MGRN1: variants seen among roughly 807,000 people sequenced by gnomAD.
MGRN1 encodes E3 ubiquitin-protein ligase MGRN1.
MGRN1 carries 29 observed loss-of-function variants against 69.2 expected under a neutral mutation model. The observed-to-expected ratio is 0.42, with a 90% CI of 0.31 to 0.57. The LOEUF (loss-of-function observed/expected upper bound fraction) is 0.57. Ranked by LOEUF, MGRN1 falls within the 20% of genes least tolerant of loss-of-function variation. The pLI, the probability that MGRN1 is intolerant of heterozygous loss-of-function variation, is 0.15. For synonymous variants in MGRN1, 470 were observed against 344.2 expected (o/e 1.37, Z -4.04); for missense variants, 998 against 796.2 (o/e 1.25, Z -3.05).
intron 13 of MGRN1, among the ~76,000 whole-genome samples, chr16:4,682,227 C>G (rs975141921): frequency 6.6e-6 from 1 of 152,224 alleles, no homozygotes; most frequent in Non-Finnish European, 1.5e-5. Context: ...GCCGTTCGCC[C>G]GTGACGAGCC....
chr16:4,653,626 C>T (rs1403043805), intron 4 of MGRN1, among the ~76,000 whole-genome samples: 5 of 142,852 alleles, frequency 3.5e-5, no homozygotes, highest in South Asian at 2.3e-4. Context: ...GTAGCTGGGA[C>T]TACAGGCACG....
chr16:4,683,242 G>A lies in MGRN1; in HGVS notation c.1501G>A (p.Val501Ile), dbSNP rs766400763. ...SSPESFITEE[V>I]DESSSPQQGT... ...TTCCTAGAGTTTCATAACAGAAGAGGTTGATGAGTCGTCGTCACCACAGCA... is the reference window on the plus strand; with the variant it reads ...TTCCTAGAGTTTCATAACAGAAGAGATTGATGAGTCGTCGTCACCACAGCA... The change falls in exon 15 of 17, where the codon GTT (valine) becomes ATT (isoleucine). Residue 501 changes from valine to isoleucine, a missense_variant. Physicochemically the swap from Val to Ile is conservative, Grantham distance 29. Coordinates refer to ENST00000262370, the MANE Select transcript of MGRN1 (RefSeq NM_015246.4). The A allele has an allele frequency of 5.6e-6, 9 of 1,613,714 alleles. No homozygotes were observed. The highest frequency in any genetic ancestry group is 1.1e-5 in the South Asian group (1 of 91,092).
intron 1 of MGRN1, among the ~76,000 whole-genome samples, chr16:4,631,291 G>C (rs1897989462): frequency 6.6e-6 from 1 of 152,272 alleles, no homozygotes; most frequent in East Asian, 1.9e-4. Flanking sequence ...ATTGTGGCTG[G>C]ATAACAAAGC....
intron 11 of MGRN1, among the ~76,000 whole-genome samples, chr16:4,677,892 G>A (rs1265234037): frequency 6.7e-6 from 1 of 150,020 alleles, no homozygotes; most frequent in African/African-American, 2.5e-5. Context: ...ACCGAGGCTG[G>A]TGTGCACCCA....
intron 8 of MGRN1, among the ~76,000 whole-genome samples, 189 bp downstream of exon 8, chr16:4,668,501 TCA>T (rs1035967404): frequency 3.3e-5 from 5 of 150,944 alleles, no homozygotes; most frequent in African/African-American, 1.2e-4. Flanking sequence ...ACACTCACAT[TCA>T]CACATATATA....
At chr16:4,641,499 C>A (rs928498014) in intron 1 of MGRN1, among the ~76,000 whole-genome samples, 2 of 151,494 alleles carry the variant, frequency 1.3e-5, no homozygotes, top group Non-Finnish European at 2.9e-5. Flanking sequence ...CAGGCACATA[C>A]CACTGTGCCT....
Position 4,681,768 on chromosome 16 carries a change from C to T in MGRN1, c.1350C>T (p.Ala450=). The T allele has an allele frequency of 6.2e-7, 1 of 1,610,624 alleles. No individual in the cohort carries two copies. The highest frequency in any genetic ancestry group is 8.5e-7 in the Non-Finnish European group (1 of 1,178,746). Reference sequence around the variant, plus strand: ...AGAAGGGCAGGCCGCAGAGCAAGGCCCCCGACAGGTGAGCAGCAGCCAGGC... The same window carrying T: ...AGAAGGGCAGGCCGCAGAGCAAGGCTCCCGACAGGTGAGCAGCAGCCAGGC... ...SRQKGRPQSK[A]PDSTLRSPSS... The change falls in exon 13 of 17, where the codon GCC becomes GCT. Residue 450 remains alanine (A), a synonymous_variant. Transcript: ENST00000262370.
At chr16:4,681,227 C>T (rs1413352735) in intron 12 of MGRN1, 3 of 380,042 alleles carry the variant, frequency 7.9e-6, no homozygotes, top group Non-Finnish European at 9.6e-6. Flanking sequence ...TGTCACTAAC[C>T]CTTCACTCTC....
intron 16 of MGRN1, chr16:4,687,037 G>C (rs2079338703): frequency 1.4e-5 from 14 of 985,528 alleles, no homozygotes; most frequent in Non-Finnish European, 1.7e-5. Context: ...TCCCTTGTCA[G>C]CATGGCCACC....
At chr16:4,665,771 G>A (rs2078789936) in intron 7 of MGRN1, among the ~76,000 whole-genome samples, 1 of 150,046 alleles carries the variant, frequency 6.7e-6, no homozygotes, top group Non-Finnish European at 1.5e-5. Flanking sequence ...CCAGGTTCAA[G>A]CGATTCTCCT....
intron 1 of MGRN1, 115 bp from the exon 2 acceptor site, chr16:4,650,250 C>T (rs761794508): frequency 8.1e-5 from 60 of 739,882 alleles, no homozygotes; most frequent in Non-Finnish European, 1.2e-4. Flanking sequence ...TTGCAGTGAG[C>T]TGAGATAGCG....
intron 1 of MGRN1, chr16:4,649,414 C>T (rs1415760742): frequency 6.6e-6 from 1 of 152,244 alleles, no homozygotes; most frequent in Non-Finnish European, 1.5e-5. Context: ...GCCACGGTCC[C>T]CGAAGGCGCT....
At chr16:4,634,236 GC>G (rs1387314709) in intron 1 of MGRN1, 20 of 152,444 alleles carry the variant, frequency 1.3e-4, no homozygotes, top group African/African-American at 4.8e-4. Context: ...TTCAGGTCTG[GC>G]TGCCAGTCCA....
At chr16:4,687,842 T>C (rs2079367349) in intron 16 of MGRN1, 1 of 985,366 alleles carries the variant, frequency 1.0e-6, no homozygotes, top group Admixed American at 6.1e-5. Flanking sequence ...TTGACTGCGC[T>C]CTGCATTCCC....
At chr16:4,638,104 T>G (rs1323066638) in intron 1 of MGRN1, among the ~76,000 whole-genome samples, 1 of 152,138 alleles carries the variant, frequency 6.6e-6, no homozygotes, top group Non-Finnish European at 1.5e-5. Flanking sequence ...GAGGCTCCTT[T>G]GTGTTAATTG....
In MGRN1 at chr16:4,690,556, GTACACACACACAAA is replaced by G. The variant is rs1481046164; in HGVS notation, c.*1650_*1663del. On this transcript the variant is annotated 3_prime_UTR_variant, in exon 17 of 17. Transcript: ENST00000262370. ...CACAGGCACGCAGATGCGCTCACAC[GTACACACACACAAA>G]TGCACGCCCACTTGCACATGCTCAC... 6.6e-6 allele frequency: 1 copy of G among 152,512 alleles called. No individual in the cohort carries two copies. Among genetic ancestry groups the G allele is most frequent in the Non-Finnish European group, 1.5e-5 (1 of 68,288 alleles). The allele number at this position is 152,512 out of a possible 1,614,324, so 9.4% of individuals were successfully genotyped here. A position where few individuals can be genotyped will look rare whatever the true frequency, so the allele number is the denominator to read the frequency against.
chr16:4,657,704 CCTTA>C (rs1330876074), intron 5 of MGRN1, among the ~76,000 whole-genome samples: 1 of 149,898 alleles, frequency 6.7e-6, no homozygotes, highest in African/African-American at 2.5e-5. Flanking sequence ...AGCTTTTTAA[CCTTA>C]CTTTTGTTTA....
intron 4 of MGRN1, among the ~76,000 whole-genome samples, chr16:4,656,023 G>A (rs560180182): frequency 6.6e-6 from 1 of 152,228 alleles, no homozygotes. Flanking sequence ...TGTGTACAGT[G>A]GTGGCCCCCC....
In MGRN1 at chr16:4,632,800, CG is replaced by C. The variant is rs1353487820; in HGVS notation, c.88+7754del. 2.0e-5 allele frequency among the ~76,000 whole-genome samples: 3 copies of C among 152,274 alleles called. No homozygotes were observed. In the South Asian group the frequency reaches 6.2e-4, roughly 32 times the overall value. On this transcript the variant is annotated intron_variant, in intron 1 of 16. Coordinates refer to ENST00000262370, the MANE Select transcript of MGRN1 (RefSeq NM_015246.4). Reference sequence around the variant, plus strand: ...CCAGTGGCCATGAAACAGTCACTCACGGCCAGGCGTGGTGGCTCACATTTGT... The same window carrying C: ...CCAGTGGCCATGAAACAGTCACTCACGCCAGGCGTGGTGGCTCACATTTGT...
Sources: allele counts gnomAD v4.1 joint callset (sites outside exome capture counted in the v4.1 genomes callset), GRCh38; gene constraint gnomAD v4.1.1; transcripts MANE v1.5; gene names NCBI Gene and HGNC (gene_info 2026-07-23, HGNC 2026-07-21).